Variants in KIAA1549L observed in about 807,000 individuals in gnomAD.
KIAA1549L encodes the protein UPF0606 protein KIAA1549L.
A neutral mutation model predicts 160.7 loss-of-function variants in KIAA1549L; 88 were observed. The observed-to-expected ratio is 0.55, with a 90% confidence interval of 0.46 to 0.65. The LOEUF (loss-of-function observed/expected upper bound fraction) is 0.65. Among genes scored for constraint, KIAA1549L ranks in the 30% least tolerant of loss-of-function variants. KIAA1549L has a pLI of 0.00. For synonymous variants in KIAA1549L, 950 were observed against 976.7 expected (o/e 0.97, Z 0.51); for missense variants, 2,258 against 2,437.5 (o/e 0.93, Z 1.55).
intron 1 of KIAA1549L, among the ~76,000 whole-genome samples, chr11:33,534,681 T>G (rs1221674951): frequency 6.6e-6 from 1 of 152,206 alleles, no homozygotes; most frequent in Non-Finnish European, 1.5e-5. Flanking sequence ...AAGCTCTGTT[T>G]TCTCTTTAAA....
intron 6 of KIAA1549L, 78 bp downstream of exon 6, chr11:33,552,319 T>C: frequency 6.8e-7 from 1 of 1,475,304 alleles, no homozygotes; most frequent in South Asian, 1.2e-5. Flanking sequence ...GACTTGGGTC[T>C]TCCCTTTCAG....
In KIAA1549L at chr11:33,669,304, G is replaced by C. The variant is rs1232833358; in HGVS notation, c.*1150G>C. On this transcript the variant is annotated 3_prime_UTR_variant, in exon 21 of 21. Coordinates refer to ENST00000658780, the MANE Select transcript of KIAA1549L (RefSeq NM_012194.3). ...GGAAGACATTTGCTGAAATGGTAGG[G>C]TGGCCACTTTGTGACCATGATGTTG... is the stretch of plus-strand genomic sequence containing the variant. The C allele has an allele frequency of 6.6e-6, 1 of 152,260 alleles. No homozygotes were observed. Among genetic ancestry groups the C allele is most frequent in the African/African-American group, 2.4e-5 (1 of 41,468 alleles). 9.4% of individuals were successfully genotyped at this position (152,260 alleles called of 1,614,324 possible). A position where few individuals can be genotyped will look rare whatever the true frequency, so the allele number is the denominator to read the frequency against.
chr11:33,572,493 A>T (rs1325153279), intron 9 of KIAA1549L, among the ~76,000 whole-genome samples: 1 of 152,216 alleles, frequency 6.6e-6, no homozygotes, highest in South Asian at 2.1e-4. Flanking sequence ...ATATATTTTC[A>T]TATACTTCTA....
intron 3 of KIAA1549L, among the ~76,000 whole-genome samples, chr11:33,545,971 A>T (rs1854245211): frequency 6.6e-6 from 1 of 152,172 alleles, no homozygotes; most frequent in Non-Finnish European, 1.5e-5. Flanking sequence ...ATTTCTTTTG[A>T]TGTTAGAAAG....
At chr11:33,416,168 T>C (rs1325852698) in intron 1 of KIAA1549L, among the ~76,000 whole-genome samples, 1 of 152,156 alleles carries the variant, frequency 6.6e-6, no homozygotes, top group Admixed American at 6.5e-5. Flanking sequence ...AAACCCTCCA[T>C]GTGATGTGTC....
chr11:33,434,188 T>C (rs1409914464), intron 1 of KIAA1549L, among the ~76,000 whole-genome samples: 1 of 152,112 alleles, frequency 6.6e-6, no homozygotes, highest in East Asian at 1.9e-4. Context: ...GTATCTGATA[T>C]GGTGGAGATA....
At chr11:33,666,382 T>A (rs1200128399) in intron 20 of KIAA1549L, among the ~76,000 whole-genome samples, 1 of 152,168 alleles carries the variant, frequency 6.6e-6, no homozygotes, top group Non-Finnish European at 1.5e-5. Flanking sequence ...ATTTGATGAT[T>A]TACATTTGAT....
intron 1 of KIAA1549L, 76 bp from the exon 2 acceptor site, chr11:33,541,726 T>C: frequency 4.9e-6 from 1 of 203,468 alleles, no homozygotes. Context: ...TGCACACACC[T>C]TTGTCTCCAG....
At position 33,543,988 on chromosome 11, in the gene KIAA1549L, C is replaced by A. The variant is rs760045254; in HGVS notation, c.2425C>A (p.His809Asn). The change falls in exon 2 of 21, where the codon CAT (histidine) becomes AAT (asparagine). Residue 809 changes from histidine (H) to asparagine (N), a missense_variant. By Grantham distance (68) the His-to-Asn change is moderately conservative. This residue lies in a region of KIAA1549L where 287 missense variants were observed against 292.3 expected (regional missense o/e 0.98). Coordinates refer to ENST00000658780, the MANE Select transcript of KIAA1549L (RefSeq NM_012194.3). The stretch of plus-strand genomic sequence containing the variant: ...CCTCTGGCCCACAAGCAATAACAAC[C>A]ATTCCAGAGACTTCCAAACAGCTGA... ...IDLWPTSNNN[H>N]SRDFQTAEVA... The A allele has an allele frequency of 5.9e-5, 96 of 1,614,008 alleles. No individual in the cohort carries two copies. In the Middle Eastern group the frequency reaches 2.5e-3, roughly 42 times the overall value.
At chr11:33,534,716 T>A (rs1479620614) in intron 1 of KIAA1549L, among the ~76,000 whole-genome samples, 1 of 152,194 alleles carries the variant, frequency 6.6e-6, no homozygotes, top group Non-Finnish European at 1.5e-5. Context: ...TCTCAGGTGC[T>A]ATGTTACAAT....
chr11:33,576,317 C>T (rs543319311), intron 10 of KIAA1549L, among the ~76,000 whole-genome samples: 15 of 152,226 alleles, frequency 9.9e-5, no homozygotes, highest in Admixed American at 2.6e-4. Context: ...CTTGCTCGGC[C>T]GGCATATCCT....
Position 33,609,910 on chromosome 11 carries a change from G to A in KIAA1549L, c.5223G>A (p.Glu1741=), listed in dbSNP as rs1277019229. Residue 1741 remains glutamate, a synonymous_variant, in exon 15 of 21, where the codon GAG becomes GAA. Coordinates refer to ENST00000658780, the MANE Select transcript of KIAA1549L (RefSeq NM_012194.3). ...KMYEKAPKEM[E]HVLDPDSELC... is the part of the protein sequence containing the mutation. Reference sequence around the variant, plus strand: ...ATGAAAAAGCCCCGAAGGAAATGGAGCATGTTTTGGATCCAGATTCAGAAC... The same window carrying A: ...ATGAAAAAGCCCCGAAGGAAATGGAACATGTTTTGGATCCAGATTCAGAAC... 1.2e-6 allele frequency: 2 copies of A among 1,613,884 alleles called. No individual in the cohort carries two copies. Among genetic ancestry groups the A allele is most frequent in the Admixed American group, 1.7e-5 (1 of 60,002 alleles).
intron 1 of KIAA1549L, among the ~76,000 whole-genome samples, chr11:33,497,849 C>T (rs1351421859): frequency 6.6e-6 from 1 of 152,198 alleles, no homozygotes; most frequent in African/African-American, 2.4e-5. Context: ...AAAGTAACAG[C>T]TCTTGCACTA....
In KIAA1549L at chr11:33,542,211, T is replaced by C; in HGVS notation, c.648T>C (p.Ala216=). 1.5e-6 allele frequency: 1 copy of C among 657,884 alleles called. No individual in the cohort carries two copies. 40.8% of individuals were successfully genotyped at this position (657,884 alleles called of 1,614,324 possible). A position where few individuals can be genotyped will look rare whatever the true frequency, so the allele number is the denominator to read the frequency against. ...STVPSGTSFS[A]VPPSQPVWAG... The stretch of plus-strand genomic sequence containing the variant: ...TCCCATCAGGGACATCCTTCAGTGC[T>C]GTCCCCCCATCCCAGCCAGTATGGG... The change falls in exon 2 of 21, where the codon GCT becomes GCC. Residue 216 remains alanine (A), a synonymous_variant. Coordinates refer to ENST00000658780, the MANE Select transcript of KIAA1549L (RefSeq NM_012194.3).
intron 1 of KIAA1549L, among the ~76,000 whole-genome samples, chr11:33,386,416 C>G (rs547058573): frequency 1.3e-5 from 2 of 152,334 alleles, no homozygotes; most frequent in Non-Finnish European, 2.9e-5. Flanking sequence ...TGTGGTGGCT[C>G]ATGCCTGTAA....
rs1221190947 is a variant in KIAA1549L, at chr11:33,651,913, CT to C, written c.5761-4098del. Among the ~76,000 whole-genome samples the C allele has an allele frequency of 5.8e-5, 4 of 68,446 alleles. No individual in the cohort carries two copies. The South Asian group carries it at 3.0e-3, about 51-fold the overall frequency. 44.9% of individuals were successfully genotyped at this position (68,446 alleles called of 152,430 possible). Reference sequence around the variant, plus strand: ...CCTCCCCCCCTTCCCCTCCCCTCCCCTCCCCCTCCCTCCCTCCCTTCCTTCC... The same window carrying C: ...CCTCCCCCCCTTCCCCTCCCCTCCCCCCCCCTCCCTCCCTCCCTTCCTTCC... On this transcript the variant is annotated intron_variant, in intron 17 of 20. Transcript: ENST00000658780.
chr11:33,442,559 T>G (rs1199533588), intron 1 of KIAA1549L, among the ~76,000 whole-genome samples: 2 of 152,230 alleles, frequency 1.3e-5, no homozygotes, highest in Non-Finnish European at 2.9e-5. Context: ...TTGTCAGTGA[T>G]CTGTCTTTTC....
At chr11:33,583,542 T>G (rs2133268995) in intron 11 of KIAA1549L, 41 bp downstream of exon 11, 1 of 1,527,938 alleles carries the variant, frequency 6.5e-7, no homozygotes, top group African/African-American at 1.4e-5. Context: ...AGGACAGGCC[T>G]GCAGGAGCTC....
At chr11:33,402,959 T>C (rs971430478) in intron 1 of KIAA1549L, among the ~76,000 whole-genome samples, 6 of 152,156 alleles carry the variant, frequency 3.9e-5, no homozygotes, top group Admixed American at 2.0e-4. Context: ...TTTGGCTTTT[T>C]GTTTCACGCC....
Sources: allele counts gnomAD v4.1 joint callset (sites outside exome capture counted in the v4.1 genomes callset), GRCh38; gene constraint gnomAD v4.1.1; regional missense constraint gnomAD v4.1.1; transcripts MANE v1.5; gene names NCBI Gene and HGNC (gene_info 2026-07-23, HGNC 2026-07-21).